PROSER1: variants seen among roughly 807,000 people sequenced by gnomAD.
PROSER1 encodes the protein proline and serine rich 1, also known as proline and serine-rich protein 1.
Under a neutral mutation model 71.8 loss-of-function variants are expected in PROSER1, and 36 were observed. The observed-to-expected ratio is 0.50, with a 90% CI of 0.38 to 0.66. PROSER1 has a LOEUF of 0.66. Among genes scored for constraint, PROSER1 ranks in the 30% least tolerant of loss-of-function variants. PROSER1 has a pLI of 0.00. For missense variants in PROSER1, 1,107 were observed against 1,135.0 expected (o/e 0.98, Z 0.35); for synonymous variants, 490 against 452.4 (o/e 1.08, Z -1.06).
chr13:39,012,329 A>G, intron 11 of PROSER1, 96 bp from the exon 12 acceptor site: 3 of 1,326,666 alleles, frequency 2.3e-6, no homozygotes, highest in South Asian at 2.6e-5. Context: ...TGTTAAAAAC[A>G]AAACAAAAAC....
chr13:39,035,117 G>A (rs1046792291), intron 1 of PROSER1, among the ~76,000 whole-genome samples: 1 of 152,184 alleles, frequency 6.6e-6, no homozygotes, highest in Non-Finnish European at 1.5e-5. Flanking sequence ...TCTGCTAGGA[G>A]AAAGTATTAT....
intron 5 of PROSER1, 106 bp downstream of exon 5, chr13:39,028,121 A>G: frequency 1.6e-6 from 1 of 634,410 alleles, no homozygotes. Flanking sequence ...ATTGTACAAC[A>G]GCATTCAAGT....
chr13:39,037,441 T>A lies in PROSER1; in HGVS notation c.-199A>T, dbSNP rs763435465. ...TCTAAAAATTGAGATTCAGAAAAAC[T>A]CTTTTTATTAAAAAGAAAAAACACT... On this transcript the variant is annotated 5_prime_UTR_variant, in exon 1 of 13. Transcript: ENST00000352251. 75 of 568,908 alleles carry A rather than the reference T, an allele frequency of 1.3e-4. No homozygotes were observed. Among genetic ancestry groups the A allele is most frequent in the Non-Finnish European group, 1.7e-4 (56 of 321,274 alleles). 35.2% of individuals were successfully genotyped at this position (568,908 alleles called of 1,614,324 possible). A position where few individuals can be genotyped will look rare whatever the true frequency, so the allele number is the denominator to read the frequency against.
chr13:39,010,442 T>A lies in PROSER1; in HGVS notation c.*923A>T, dbSNP rs1289116713. On this transcript the variant is annotated 3_prime_UTR_variant, in exon 13 of 13. Transcript: ENST00000352251. ...TTCACTCATGTTATACTACCACAGATCCTTAAATAGAGTACATACTGCATA... is the reference window on the plus strand; with the variant it reads ...TTCACTCATGTTATACTACCACAGAACCTTAAATAGAGTACATACTGCATA... The A allele has an allele frequency of 6.6e-6, 1 of 152,652 alleles. No individual in the cohort carries two copies. The highest frequency in any genetic ancestry group is 1.5e-5 in the Non-Finnish European group (1 of 68,034). The allele number at this position is 152,652 out of a possible 1,614,324, so 9.5% of individuals were successfully genotyped here.
intron 5 of PROSER1, 103 bp downstream of exon 5, chr13:39,028,124 A>G: frequency 1.5e-6 from 1 of 647,958 alleles, no homozygotes. Flanking sequence ...GTACAACAGC[A>G]TTCAAGTTAT....
At position 39,011,256 on chromosome 13, in the gene PROSER1, C is replaced by G; in HGVS notation, c.*109G>C. ...TTGTCACAATTTCTCCAGGATTACC[C>G]TCATTCTCATTTTCCGACTTTTGGC... On this transcript the variant is annotated 3_prime_UTR_variant, in exon 13 of 13. Coordinates refer to ENST00000352251, the MANE Select transcript of PROSER1 (RefSeq NM_025138.5). 1.8e-6 allele frequency: 2 copies of G among 1,118,648 alleles called. No individual in the cohort carries two copies. Among genetic ancestry groups the G allele is most frequent in the East Asian group, 2.4e-5 (1 of 41,490 alleles). 69.3% of individuals were successfully genotyped at this position (1,118,648 alleles called of 1,614,324 possible).
rs1869632109 is a variant in PROSER1, at chr13:39,011,208, A to G, written c.*157T>C. 2.8e-6 allele frequency: 2 copies of G among 720,534 alleles called. No individual in the cohort carries two copies. Among genetic ancestry groups the G allele is most frequent in the Admixed American group, 4.6e-5 (2 of 43,330 alleles). 44.6% of individuals were successfully genotyped at this position (720,534 alleles called of 1,614,324 possible). ...CATAGGGGAGTGTTCACACTTTAAA[A>G]TGCAACCACAATTTTCAAATTGTTG... On this transcript the variant is annotated 3_prime_UTR_variant, in exon 13 of 13. Coordinates refer to ENST00000352251, the MANE Select transcript of PROSER1 (RefSeq NM_025138.5).
At chr13:39,015,433 C>CA (rs1432786133) in intron 10 of PROSER1, among the ~76,000 whole-genome samples, 2 of 152,130 alleles carry the variant, frequency 1.3e-5, no homozygotes, top group African/African-American at 4.8e-5. Flanking sequence ...AATTCTGTTT[C>CA]AGTTGTAGAG....
intron 11 of PROSER1, 117 bp downstream of exon 11, chr13:39,012,574 T>C: frequency 1.1e-6 from 1 of 884,006 alleles, no homozygotes. Context: ...GTGCTAAAGT[T>C]TTCACCCAGA....
At chr13:39,034,847 G>A (rs1204771929) in intron 1 of PROSER1, among the ~76,000 whole-genome samples, 2 of 152,230 alleles carry the variant, frequency 1.3e-5, no homozygotes, top group African/African-American at 2.4e-5. Flanking sequence ...GACATTAGAT[G>A]TGACATATAA....
chr13:39,012,351 T>A (rs1430396539), intron 11 of PROSER1, 118 bp from the exon 12 acceptor site: 1 of 1,123,402 alleles, frequency 8.9e-7, no homozygotes, highest in Admixed American at 2.4e-5. Flanking sequence ...TTAGAATTTA[T>A]TCCTCTGTTG....
chr13:39,012,406 C>T (rs1295747548), intron 11 of PROSER1, 173 bp from the exon 12 acceptor site: 1 of 721,194 alleles, frequency 1.4e-6, no homozygotes, highest in Non-Finnish European at 2.3e-6. Context: ...AATCTTTCTA[C>T]TGTGAAGTAT....
In PROSER1 at chr13:39,024,467, A is replaced by G. The variant is rs574035267; in HGVS notation, c.564+6T>C. The G allele has an allele frequency of 6.3e-7, 1 of 1,599,708 alleles. No individual in the cohort carries two copies. Among genetic ancestry groups the G allele is most frequent in the South Asian group, 1.1e-5 (1 of 89,880 alleles). ...TTGGGCTTGTTTCATCATTTTCTAAACATACTGGTTTGGATGGCCCAAGAA... is the reference window on the plus strand; with the variant it reads ...TTGGGCTTGTTTCATCATTTTCTAAGCATACTGGTTTGGATGGCCCAAGAA... On this transcript the variant is annotated splice_donor_region_variant and intron_variant, in intron 7 of 12. Transcript: ENST00000352251.
intron 9 of PROSER1, among the ~76,000 whole-genome samples, chr13:39,022,018 T>C (rs1237767522): frequency 1.3e-5 from 2 of 152,196 alleles, no homozygotes. Context: ...ACTAAACTCT[T>C]TGCAAACATG....
rs1366925352 is a variant in PROSER1 at position 39,037,601 on chromosome 13, G to A, written c.-359C>T. The A allele has an allele frequency of 5.0e-6, 1 of 198,532 alleles. No homozygotes were observed. The highest frequency in any genetic ancestry group is 1.2e-4 in the East Asian group (1 of 8,026). The allele number at this position is 198,532 out of a possible 1,614,324, so 12.3% of individuals were successfully genotyped here. Reference sequence around the variant, plus strand: ...CGGTTTCCCTGCAGCTGAGGGCCAGGTGCCGCCAGAGGTAGCTCTTGAAGG... The same window carrying A: ...CGGTTTCCCTGCAGCTGAGGGCCAGATGCCGCCAGAGGTAGCTCTTGAAGG... On this transcript the variant is annotated 5_prime_UTR_variant, in exon 1 of 13. Transcript: ENST00000352251.
chr13:39,013,302 G>A lies in PROSER1; in HGVS notation c.1950C>T (p.Ile650=), dbSNP rs1216200553. 2 of 1,614,040 alleles carry A rather than the reference G, an allele frequency of 1.2e-6. No homozygotes were observed. The highest frequency in any genetic ancestry group is 2.7e-5 in the African/African-American group (2 of 74,914). Reference sequence around the variant, plus strand: ...CAGGATTAAGGCAAGCAGATAAACTGATGGGCACGGATGTTGAAGTATATG... The same window carrying A: ...CAGGATTAAGGCAAGCAGATAAACTAATGGGCACGGATGTTGAAGTATATG... ...GRAYTSTSVP[I]SLSACLNPAL... is the part of the protein sequence containing the mutation. The change falls in exon 11 of 13, where the codon ATC becomes ATT. Residue 650 remains isoleucine (I), a synonymous_variant. Transcript: ENST00000352251.
chr13:39,012,027 T>TG, intron 12 of PROSER1, 56 bp downstream of exon 12: 1 of 1,556,732 alleles, frequency 6.4e-7, no homozygotes, highest in Non-Finnish European at 8.8e-7. Flanking sequence ...ATGTTATCAC[T>TG]ACAGAAGTTA....
intron 5 of PROSER1, 38 bp from the exon 6 acceptor site, chr13:39,026,425 C>A (rs780754733): frequency 1.5e-5 from 20 of 1,371,104 alleles, no homozygotes; most frequent in African/African-American, 1.5e-5. Context: ...GAAAAAAATT[C>A]TTAAAAGATA....
At position 39,011,624 on chromosome 13, in the gene PROSER1, G is replaced by T; in HGVS notation, c.2713-137C>A. The T allele has an allele frequency of 3.7e-6, 3 of 802,648 alleles. No homozygotes were observed. The South Asian group carries it at 6.5e-5, about 18-fold the overall frequency. The allele number at this position is 802,648 out of a possible 1,614,324, so 49.7% of individuals were successfully genotyped here. ...AAAACTCTGAGGCACAATAAAGTCTGCTCAGTCACTTAAAATTTTTAAGAA... is the reference window on the plus strand; with the variant it reads ...AAAACTCTGAGGCACAATAAAGTCTTCTCAGTCACTTAAAATTTTTAAGAA... On this transcript the variant is annotated intron_variant, in intron 12 of 12. Transcript: ENST00000352251.
Sources: gnomAD v4.1 joint callset for allele counts (sites outside exome capture counted in the v4.1 genomes callset) on GRCh38, gnomAD v4.1.1 for gene constraint, MANE v1.5 for transcripts, NCBI Gene and HGNC (gene_info 2026-07-23, HGNC 2026-07-21) for gene names.